The following COL23A1 variants were observed in gnomAD, a reference collection of about 807,000 sequenced individuals.
COL23A1 encodes collagen alpha-1(XXIII) chain.
A neutral mutation model predicts 99.3 loss-of-function variants in COL23A1; 97 were observed. That is an observed-to-expected ratio of 0.98 (90% CI 0.83 to 1.16). The LOEUF (loss-of-function observed/expected upper bound fraction) is 1.16, where lower values mean the gene tolerates loss of function less well. Ranked by LOEUF, COL23A1 falls within the 50% of genes most tolerant of loss-of-function variation. The pLI is 0.00. For synonymous variants in COL23A1, 320 were observed against 308.2 expected, an observed-to-expected ratio of 1.04 and a Z score of -0.40; for missense variants, 762 against 757.4, an observed-to-expected ratio of 1.01 and a Z score of -0.07.
intron 2 of COL23A1, among the ~76,000 whole-genome samples, chr5:178,531,535 C>T (rs950886575): frequency 2.6e-5 from 4 of 152,178 alleles, no homozygotes; most frequent in Admixed American, 1.3e-4. Flanking sequence ...ACACCAGCCC[C>T]GGACTTTCCG....
At chr5:178,370,419 G>A (rs1488980129) in intron 2 of COL23A1, among the ~76,000 whole-genome samples, 1 of 152,114 alleles carries the variant, frequency 6.6e-6, no homozygotes, top group Non-Finnish European at 1.5e-5. Context: ...GGCACAGAAA[G>A]ACAAACACCA....
intron 2 of COL23A1, among the ~76,000 whole-genome samples, chr5:178,326,429 A>G (rs1157973122): frequency 6.6e-6 from 1 of 151,622 alleles, no homozygotes; most frequent in African/African-American, 2.4e-5. Flanking sequence ...AAAAAAAAAG[A>G]CCGAACGAGA....
At chr5:178,510,991 T>A (rs572359275) in intron 2 of COL23A1, among the ~76,000 whole-genome samples, 5 of 152,208 alleles carry the variant, frequency 3.3e-5, no homozygotes, top group Non-Finnish European at 5.9e-5. Flanking sequence ...AATCAGGCTA[T>A]AGAATAAATA....
At chr5:178,470,895 C>T (rs1213819096) in intron 2 of COL23A1, among the ~76,000 whole-genome samples, 4 of 152,240 alleles carry the variant, frequency 2.6e-5, no homozygotes, top group Non-Finnish European at 5.9e-5. Context: ...TGGGAACCCT[C>T]AGGAGCCCCA....
chr5:178,240,027 C>T lies in COL23A1; in HGVS notation c.1582-848G>A, dbSNP rs181931585. Among the ~76,000 whole-genome samples the T allele has an allele frequency of 1.2e-3, 182 of 152,302 alleles. 1 individual carries two copies. In the Middle Eastern group the frequency reaches 0.02, roughly 17 times the overall value. ...GGATGGCCCAGGAATTGGCATCCTG[C>T]TCCAGCCTGTGCTGGCTGGAGCAGG... On this transcript the variant is annotated intron_variant, in intron 27 of 28. Transcript: ENST00000390654.
intron 1 of COL23A1, among the ~76,000 whole-genome samples, chr5:178,562,955 T>C (rs1005257179): frequency 2.6e-5 from 4 of 151,902 alleles, no homozygotes; most frequent in African/African-American, 7.2e-5. Context: ...GATTGGTGCA[T>C]TTTTACAGAG....
At position 178,358,328 on chromosome 5, in the gene COL23A1, A is replaced by ATG. The variant is rs1176218035; in HGVS notation, c.362-51411_362-51410dup. Among the ~76,000 whole-genome samples the ATG allele has an allele frequency of 7.3e-4, 96 of 132,218 alleles. 2 individuals are homozygous for ATG. Among genetic ancestry groups the ATG allele is most frequent in the African/African-American group, 2.3e-3 (79 of 33,638 alleles). The allele number at this position is 132,218 out of a possible 152,430, so 86.7% of individuals were successfully genotyped here. A position where few individuals can be genotyped will look rare whatever the true frequency, so the allele number is the denominator to read the frequency against. On this transcript the variant is annotated intron_variant, in intron 2 of 28. Coordinates refer to ENST00000390654, the MANE Select transcript of COL23A1 (RefSeq NM_173465.4). ...TGTATGTGTGTGTATGTGTATGTGTATGTATGTCTAATGTGTGTATTGTGT... is the reference window on the plus strand; with the variant it reads ...TGTATGTGTGTGTATGTGTATGTGTATGTGTATGTCTAATGTGTGTATTGTGT...
At chr5:178,242,903 T>C (rs1010376363) in intron 25 of COL23A1, among the ~76,000 whole-genome samples, 4 of 152,132 alleles carry the variant, frequency 2.6e-5, no homozygotes, top group Non-Finnish European at 5.9e-5. Context: ...GACACAGAAT[T>C]GGATTCATTG....
chr5:178,510,855 T>C (rs1759166819), intron 2 of COL23A1, among the ~76,000 whole-genome samples: 1 of 152,116 alleles, frequency 6.6e-6, no homozygotes, highest in Non-Finnish European at 1.5e-5. Flanking sequence ...AAAACCTGGA[T>C]ATAATGTAAA....
At chr5:178,328,604 C>T (rs942609098) in intron 2 of COL23A1, among the ~76,000 whole-genome samples, 6 of 152,146 alleles carry the variant, frequency 3.9e-5, no homozygotes, top group Non-Finnish European at 8.8e-5. Flanking sequence ...TAAGGCTTTC[C>T]CTCAAAACTA....
intron 2 of COL23A1, among the ~76,000 whole-genome samples, chr5:178,505,200 C>T (rs1171741103): frequency 6.6e-6 from 1 of 152,052 alleles, no homozygotes; most frequent in Non-Finnish European, 1.5e-5. Context: ...CCATCTCCAC[C>T]TTCATCTTCA....
At chr5:178,492,691 G>A (rs770008277) in intron 2 of COL23A1, among the ~76,000 whole-genome samples, 2 of 151,236 alleles carry the variant, frequency 1.3e-5, no homozygotes, top group African/African-American at 2.4e-5. Flanking sequence ...ATGACTCCAC[G>A]TACACGAAAT....
At chr5:178,458,637 CA>C (rs57875318) in intron 2 of COL23A1, among the ~76,000 whole-genome samples, 108,023 of 145,344 alleles carry the variant, frequency 0.74, 40,848 homozygotes, top group Non-Finnish European at 0.84. Context: ...ACTCTGTCTC[CA>C]AAAAAAAAAA....
At chr5:178,476,578 G>A (rs547621759) in intron 2 of COL23A1, among the ~76,000 whole-genome samples, 7 of 152,310 alleles carry the variant, frequency 4.6e-5, no homozygotes, top group African/African-American at 1.7e-4. Context: ...AATACAAAGC[G>A]TGTGCGCTGG....
chr5:178,532,780 T>G (rs520212), intron 2 of COL23A1, among the ~76,000 whole-genome samples: 77,196 of 151,960 alleles, frequency 0.51, 19,973 homozygotes, highest in Non-Finnish European at 0.57. Flanking sequence ...GTGATGGGAT[T>G]TGGGTCATTA....
chr5:178,263,732 G>A (rs1765762046), intron 8 of COL23A1, among the ~76,000 whole-genome samples: 1 of 152,188 alleles, frequency 6.6e-6, no homozygotes, highest in African/African-American at 2.4e-5. Context: ...TAAGTATGGA[G>A]GGGCACTCTT....
intron 14 of COL23A1, among the ~76,000 whole-genome samples, chr5:178,256,599 T>C (rs1048078378): frequency 2.0e-5 from 3 of 152,142 alleles, no homozygotes; most frequent in African/African-American, 7.2e-5. Flanking sequence ...TCACTTCGTA[T>C]AGAGATGGGG....
chr5:178,250,173 G>A, intron 17 of COL23A1, 68 bp from the exon 18 acceptor site: 10 of 1,586,820 alleles, frequency 6.3e-6, no homozygotes, highest in South Asian at 1.1e-5. Context: ...CAGCCAGAGG[G>A]CCAGGACACA....
At chr5:178,358,382 AATGTGTGT>A (rs1761923503) in intron 2 of COL23A1, among the ~76,000 whole-genome samples, 1 of 140,422 alleles carries the variant, frequency 7.1e-6, no homozygotes, top group African/African-American at 2.7e-5. Flanking sequence ...GTGTATGTCT[AATGTGTGT>A]ATGTGTATGT....
Sources: gnomAD v4.1 joint callset for allele counts (sites outside exome capture counted in the v4.1 genomes callset) on GRCh38, gnomAD v4.1.1 for gene constraint, MANE v1.5 for transcripts, NCBI Gene and HGNC (gene_info 2026-07-23, HGNC 2026-07-21) for gene names.